The following ACTR5 variants were observed in gnomAD, a reference collection of about 807,000 sequenced individuals.
ACTR5 encodes the protein actin related protein 5.
In ACTR5, 43 loss-of-function variants were observed where a neutral mutation model predicts 61.2. The ratio of observed to expected loss-of-function variants is 0.70; its 90% CI spans 0.55 to 0.91. ACTR5 has a LOEUF of 0.91. ACTR5 is among the 40% of genes least tolerant of loss of function. ACTR5 has a pLI of 0.00. For synonymous variants in ACTR5, 333 were observed against 310.5 expected, an observed-to-expected ratio of 1.07 and a Z score of -0.76; for missense variants, 798 against 782.2, an observed-to-expected ratio of 1.02 and a Z score of -0.24.
At chr20:38,770,251 A>T (rs1158947324) in intron 8 of ACTR5, among the ~76,000 whole-genome samples, 2 of 152,214 alleles carry the variant, frequency 1.3e-5, no homozygotes, top group African/African-American at 4.8e-5. Flanking sequence ...GCCCTCCGTG[A>T]TCATTAGAAG....
rs781400177 is a variant in ACTR5 at position 38,754,970 on chromosome 20, G to T, written c.789G>T (p.Trp263Cys). Residue 263 changes from tryptophan to cysteine, a missense_variant, in exon 4 of 9, where the codon TGG becomes TGT. By Grantham distance (215) the Trp-to-Cys change is radical. Coordinates refer to ENST00000243903, the MANE Select transcript of ACTR5 (RefSeq NM_024855.4). ...AEDYVEELHK[W>C]RCPDYYENNV... ...GTTTCTTTGAAGAATTACACAAATG[G>T]CGGTGTCCTGATTATTATGAGAATA... is the stretch of plus-strand genomic sequence containing the variant. 2.5e-6 allele frequency: 4 copies of T among 1,613,914 alleles called. No homozygotes were observed. Among genetic ancestry groups the T allele is most frequent in the African/African-American group, 2.7e-5 (2 of 74,902 alleles).
chr20:38,759,470 A>G (rs779703988), intron 5 of ACTR5, among the ~76,000 whole-genome samples: 7 of 152,186 alleles, frequency 4.6e-5, no homozygotes, highest in Admixed American at 2.0e-4. Context: ...TGCGACTTGT[A>G]TGAATTGGGA....
rs772673634 is a variant in ACTR5 at position 38,748,751 on chromosome 20, C to T, written c.273C>T (p.Arg91=). Residue 91 remains arginine (R), a synonymous_variant, in exon 1 of 9, where the codon CGC becomes CGT. Coordinates refer to ENST00000243903, the MANE Select transcript of ACTR5 (RefSeq NM_024855.4). ...CTCTGGGCAGCCTGGAGCCACTGCG[C>T]TGGATGCTGCGCTCGCCCTTCGACC... is the stretch of plus-strand genomic sequence containing the variant. The part of the protein sequence containing the change: ...GNALGSLEPL[R]WMLRSPFDRN... 1.3e-6 allele frequency: 2 copies of T among 1,597,604 alleles called. No homozygotes were observed. The highest frequency in any genetic ancestry group is 2.7e-5 in the African/African-American group (2 of 74,210).
intron 5 of ACTR5, 57 bp from the exon 6 acceptor site, chr20:38,765,345 A>G: frequency 6.4e-6 from 8 of 1,255,252 alleles, no homozygotes; most frequent in Non-Finnish European, 9.3e-6. Flanking sequence ...CACTAAAATG[A>G]TAGAACTGAG....
At position 38,755,052 on chromosome 20, in the gene ACTR5, T is replaced by A. The variant is rs2084411370; in HGVS notation, c.871T>A (p.Ser291Thr). The A allele has an allele frequency of 1.2e-6, 2 of 1,614,110 alleles. No individual in the cohort carries two copies. Among genetic ancestry groups the A allele is most frequent in the African/African-American group, 2.7e-5 (2 of 74,948 alleles). Residue 291 changes from serine to threonine, a missense_variant, in exon 4 of 9, where the codon TCT becomes ACT. Coordinates refer to ENST00000243903, the MANE Select transcript of ACTR5 (RefSeq NM_024855.4). ...CAAGCTCCTGGGCAGCACTCTGACC[T>A]CTGAGGAGAAACAAGAAAGGCGGCA... is the stretch of plus-strand genomic sequence containing the variant. ...SSKLLGSTLT[S>T]EEKQERRQQQ...
At position 38,771,859 on chromosome 20, in the gene ACTR5, G is replaced by A. The variant is rs754761641; in HGVS notation, c.*43G>A. On this transcript the variant is annotated 3_prime_UTR_variant, in exon 9 of 9. Transcript: ENST00000243903. ...GACTGCCCTGCACGCCATGCCTTGG[G>A]CCACGTTGGCAGTGTGACAGGACTG... 1.2e-5 allele frequency: 19 copies of A among 1,572,862 alleles called. 2 individuals are homozygous for A. The South Asian group carries it at 2.0e-4, about 16-fold the overall frequency.
chr20:38,752,237 A>T lies in ACTR5; in HGVS notation c.712A>T (p.Thr238Ser). The change falls in exon 3 of 9, where the codon ACC (threonine) becomes TCC (serine). Residue 238 changes from threonine to serine, a missense_variant. Physicochemically the swap from Thr to Ser is moderately conservative, Grantham distance 58. Coordinates refer to ENST00000243903, the MANE Select transcript of ACTR5 (RefSeq NM_024855.4). The stretch of plus-strand genomic sequence containing the variant: ...GTACCCTGGGCACCTGGCAGCCATC[A>T]CCCTCAGCCGCATGGAGGAGATTCT... Reference protein sequence around the residue: ...LKYPGHLAAITLSRMEEILHE... With the variant: ...LKYPGHLAAISLSRMEEILHE... The T allele has an allele frequency of 6.2e-7, 1 of 1,613,994 alleles. No individual in the cohort carries two copies. Among genetic ancestry groups the T allele is most frequent in the Non-Finnish European group, 8.5e-7 (1 of 1,179,916 alleles).
At chr20:38,762,471 CAAAG>C (rs1568636929) in intron 5 of ACTR5, among the ~76,000 whole-genome samples, 1 of 152,214 alleles carries the variant, frequency 6.6e-6, no homozygotes, top group Non-Finnish European at 1.5e-5. Context: ...GGGGAGGAAA[CAAAG>C]ACCCTCCACC....
In ACTR5 at chr20:38,759,759, G is replaced by T. The variant is rs897049104; in HGVS notation, c.1176+3720G>T. 7.9e-5 allele frequency among the ~76,000 whole-genome samples: 12 copies of T among 152,158 alleles called. No homozygotes were observed. The East Asian group carries it at 2.3e-3, about 29-fold the overall frequency. ...GGTACCTCAAAAACAAAAAATGAGG[G>T]CTATAGCACCATGCTTAGCTGACTG... On this transcript the variant is annotated intron_variant, in intron 5 of 8. Coordinates refer to ENST00000243903, the MANE Select transcript of ACTR5 (RefSeq NM_024855.4).
Position 38,750,234 on chromosome 20 carries a change from A to G in ACTR5, c.600A>G (p.Glu200=), listed in dbSNP as rs1284337677. ...YQCTHVLPIL[E]GRLDAKNCKR... ...GTACGCATGTTTTACCCATCTTAGA[A>G]GGGAGGTGAGTTGCACTTGTGGCAT... Residue 200 remains glutamate, a synonymous_variant, in exon 2 of 9, where the codon GAA becomes GAG. Transcript: ENST00000243903. The G allele has an allele frequency of 2.5e-6, 4 of 1,613,154 alleles. No homozygotes were observed. The highest frequency in any genetic ancestry group is 3.4e-6 in the Non-Finnish European group (4 of 1,179,374).
chr20:38,758,372 C>A (rs1203879936), intron 5 of ACTR5, among the ~76,000 whole-genome samples: 1 of 152,172 alleles, frequency 6.6e-6, no homozygotes, highest in Non-Finnish European at 1.5e-5. Context: ...TTGGGCCGGG[C>A]ACGGTGGCTC....
At chr20:38,756,146 G>A in intron 5 of ACTR5, 107 bp downstream of exon 5, 2 of 1,270,072 alleles carry the variant, frequency 1.6e-6, no homozygotes, top group East Asian at 2.5e-5. Context: ...AGAGAGCAGA[G>A]GGGATGTGGG....
intron 5 of ACTR5, among the ~76,000 whole-genome samples, chr20:38,760,698 C>T (rs1025920645): frequency 6.6e-6 from 1 of 152,162 alleles, no homozygotes; most frequent in Non-Finnish European, 1.5e-5. Context: ...GGTCACATAG[C>T]TAGAAGTAGT....
At chr20:38,765,331 G>A in intron 5 of ACTR5, 71 bp from the exon 6 acceptor site, 2 of 1,046,536 alleles carry the variant, frequency 1.9e-6, no homozygotes, top group East Asian at 2.4e-5. Flanking sequence ...GTTCTTTTTT[G>A]TGGCACTAAA....
chr20:38,749,748 G>C (rs1025477278), intron 1 of ACTR5, among the ~76,000 whole-genome samples: 3 of 152,182 alleles, frequency 2.0e-5, no homozygotes. Flanking sequence ...AGAAGCAGTT[G>C]GATTCTGGAA....
chr20:38,766,731 AT>A (rs986583049), intron 7 of ACTR5, among the ~76,000 whole-genome samples: 6 of 152,130 alleles, frequency 3.9e-5, no homozygotes, highest in East Asian at 3.8e-4. Context: ...AGCTAATAAA[AT>A]TTTTTTCCCC....
In ACTR5 at chr20:38,748,860, G is replaced by A; in HGVS notation, c.375+7G>A. 6.2e-7 allele frequency: 1 copy of A among 1,603,402 alleles called. No homozygotes were observed. Among genetic ancestry groups the A allele is most frequent in the South Asian group, 1.1e-5 (1 of 90,356 alleles). Reference sequence around the variant, plus strand: ...CCTGGGTGTCTCCTCACAGGTGAAGGGCGGAGTAGGCTGGGCTGGGCTGGG... The same window carrying A: ...CCTGGGTGTCTCCTCACAGGTGAAGAGCGGAGTAGGCTGGGCTGGGCTGGG... On this transcript the variant is annotated splice_region_variant and intron_variant, in intron 1 of 8. Transcript: ENST00000243903.
rs754284110 is a variant in ACTR5 at position 38,750,226 on chromosome 20, A to G, written c.592A>G (p.Ile198Val). 6.2e-7 allele frequency: 1 copy of G among 1,613,524 alleles called. No homozygotes were observed. Among genetic ancestry groups the G allele is most frequent in the Non-Finnish European group, 8.5e-7 (1 of 1,179,686 alleles). The change falls in exon 2 of 9, where the codon ATC becomes GTC. Residue 198 changes from isoleucine to valine, a missense_variant. Coordinates refer to ENST00000243903, the MANE Select transcript of ACTR5 (RefSeq NM_024855.4). ...ATACCAGTGTACGCATGTTTTACCC[A>G]TCTTAGAAGGGAGGTGAGTTGCACT... Reference protein sequence around the residue: ...SGYQCTHVLPILEGRLDAKNC... With the variant: ...SGYQCTHVLPVLEGRLDAKNC...
Position 38,767,599 on chromosome 20 carries a change from A to AC in ACTR5, c.1566+4dup. The AC allele has an allele frequency of 1.2e-6, 2 of 1,604,322 alleles. No individual in the cohort carries two copies. Among genetic ancestry groups the AC allele is most frequent in the Non-Finnish European group, 1.7e-6 (2 of 1,174,664 alleles). ...GACCCTTCCGGTCTTCTTTTCAGGTACTGATTGTTCGAGTAGTCAATTATT... is the reference window on the plus strand; with the variant it reads ...GACCCTTCCGGTCTTCTTTTCAGGTACCTGATTGTTCGAGTAGTCAATTATT... On this transcript the variant is annotated splice_donor_region_variant and intron_variant, in intron 8 of 8. Transcript: ENST00000243903.
Sources: gnomAD v4.1 joint callset for allele counts (sites outside exome capture counted in the v4.1 genomes callset) on GRCh38, gnomAD v4.1.1 for gene constraint, MANE v1.5 for transcripts, NCBI Gene and HGNC (gene_info 2026-07-23, HGNC 2026-07-21) for gene names.